Variants in KAT6A observed in about 807,000 individuals in gnomAD.
KAT6A encodes histone acetyltransferase KAT6A.
A neutral mutation model predicts 198.4 loss-of-function variants in KAT6A; 9 were observed. The ratio of observed to expected loss-of-function variants is 0.05; its 90% confidence interval spans 0.03 to 0.08. The LOEUF is 0.08. Among genes scored for constraint, KAT6A ranks in the 10% least tolerant of loss-of-function variants. KAT6A has a pLI of 1.00. For missense variants in KAT6A, 2,077 were observed against 2,509.9 expected (o/e 0.83, Z 3.69); for synonymous variants, 890 against 883.0 (o/e 1.01, Z -0.14).
chr8:41,981,094 T>G (rs1030315472), intron 4 of KAT6A, among the ~76,000 whole-genome samples, 167 bp from the exon 5 acceptor site: 1 of 151,590 alleles, frequency 6.6e-6, no homozygotes, highest in East Asian at 1.9e-4. Flanking sequence ...TCGAGGCGGG[T>G]GGATCATGAG....
At chr8:42,015,907 T>C (rs929411177) in intron 2 of KAT6A, among the ~76,000 whole-genome samples, 3 of 152,196 alleles carry the variant, frequency 2.0e-5, no homozygotes, top group African/African-American at 7.2e-5. Context: ...GACATAGACT[T>C]TTCCAATTGA....
At chr8:41,979,094 CCT>C (rs1247354854) in intron 5 of KAT6A, among the ~76,000 whole-genome samples, 11 of 145,204 alleles carry the variant, frequency 7.6e-5, no homozygotes, top group African/African-American at 2.8e-4. Context: ...ATGGTGAAAC[CCT>C]GTCTCTACTA....
chr8:42,019,250 T>G (rs1005182952), intron 2 of KAT6A, among the ~76,000 whole-genome samples: 11 of 152,208 alleles, frequency 7.2e-5, no homozygotes, highest in Non-Finnish European at 7.3e-5. Flanking sequence ...TTTGAAAGTG[T>G]TCCTCTTTAT....
chr8:41,946,792 T>G lies in KAT6A; in HGVS notation c.1903-108A>C, dbSNP rs1247732996. 4 of 678,868 alleles carry G rather than the reference T, an allele frequency of 5.9e-6. No individual in the cohort carries two copies. The African/African-American group carries it at 7.3e-5, about 12-fold the overall frequency. The allele number at this position is 678,868 out of a possible 1,614,324, so 42.1% of individuals were successfully genotyped here. The stretch of plus-strand genomic sequence containing the variant: ...GCCAAAACCCACAGCCCTGGTCCTT[T>G]GGGAATAGCAACGTACATCAACAAA... On this transcript the variant is annotated intron_variant, in intron 11 of 16. Coordinates refer to ENST00000265713, the MANE Select transcript of KAT6A (RefSeq NM_006766.5).
chr8:42,000,305 C>T (rs997677214), intron 2 of KAT6A, among the ~76,000 whole-genome samples: 13 of 152,120 alleles, frequency 8.5e-5, no homozygotes, highest in Admixed American at 7.2e-4. Flanking sequence ...AATCCCAGCA[C>T]TTTGGGAGGC....
Position 41,941,344 on chromosome 8 carries a change from A to C in KAT6A, c.2537T>G (p.Leu846Trp), listed in dbSNP as rs1286262928. 1 of 1,613,088 alleles carries C rather than the reference A, an allele frequency of 6.2e-7. No homozygotes were observed. ...ATCATGAGGAAGGACTTGTTTGCTC[A>C]AACGTGTAGAACTGACTGGAGCCAT... The part of the protein sequence containing the change: ...EVMAPVSSTR[L>W]SKQVLPHDSL... The change falls in exon 15 of 17, where the codon TTG becomes TGG. Residue 846 changes from leucine (L) to tryptophan (W), a missense_variant. By Grantham distance (61) the Leu-to-Trp change is moderately conservative. Transcript: ENST00000265713.
chr8:42,049,589 G>A (rs537509721), intron 1 of KAT6A: 3 of 153,348 alleles, frequency 2.0e-5, no homozygotes, highest in African/African-American at 4.8e-5. Context: ...AGTGGGTGAT[G>A]GCTATTCTGT....
intron 8 of KAT6A, among the ~76,000 whole-genome samples, chr8:41,965,210 T>A (rs995320902): frequency 6.6e-5 from 10 of 152,230 alleles, no homozygotes; most frequent in African/African-American, 2.4e-4. Flanking sequence ...TGACCTTAGT[T>A]CTGATATGCA....
chr8:42,010,335 C>T (rs368585138), intron 2 of KAT6A, among the ~76,000 whole-genome samples: 13 of 152,102 alleles, frequency 8.5e-5, no homozygotes, highest in African/African-American at 2.9e-4. Context: ...GACTGCAGAT[C>T]AGACACTCTA....
chr8:41,949,019 C>A (rs1822538224), intron 10 of KAT6A, among the ~76,000 whole-genome samples: 1 of 152,104 alleles, frequency 6.6e-6, no homozygotes, highest in African/African-American at 2.4e-5. Flanking sequence ...TTCATAGATT[C>A]TAAGATGTAC....
At chr8:41,958,941 C>T (rs1007894617) in intron 8 of KAT6A, among the ~76,000 whole-genome samples, 6 of 151,824 alleles carry the variant, frequency 4.0e-5, no homozygotes, top group Non-Finnish European at 5.9e-5. Context: ...GGGCGGATCA[C>T]GAGGTCAGGA....
intron 2 of KAT6A, among the ~76,000 whole-genome samples, chr8:42,000,771 C>T (rs1249927796): frequency 6.6e-6 from 1 of 152,066 alleles, no homozygotes; most frequent in African/African-American, 2.4e-5. Flanking sequence ...CAAGGTTCTG[C>T]TATCAGAATC....
intron 3 of KAT6A, among the ~76,000 whole-genome samples, chr8:41,986,340 C>T (rs530409103): frequency 3.9e-5 from 6 of 152,258 alleles, no homozygotes; most frequent in South Asian, 4.1e-4. Flanking sequence ...TCACATTGCT[C>T]GCTAGACTGC....
At position 41,932,819 on chromosome 8, in the gene KAT6A, C is replaced by A; in HGVS notation, c.5401G>T (p.Ala1801Ser). The A allele has an allele frequency of 6.2e-7, 1 of 1,614,054 alleles. No homozygotes were observed. Among genetic ancestry groups the A allele is most frequent in the Non-Finnish European group, 8.5e-7 (1 of 1,179,964 alleles). The change falls in exon 17 of 17, where the codon GCT becomes TCT. Residue 1801 changes from alanine (A) to serine (S), a missense_variant. Around this residue, in one of 13 missense-constraint regions of KAT6A, gnomAD observed 500 missense variants for 577.2 expected, o/e 0.87. Transcript: ENST00000265713. The stretch of plus-strand genomic sequence containing the variant: ...GTGGCTTGTGCTTGAGGAGTCCCAG[C>A]TAAGGGATGAGATGGAGCCAGCTGA... ...LAQLAPSHPL[A>S]GTPQAQATMT...
chr8:42,010,571 C>T (rs1490338528), intron 2 of KAT6A, among the ~76,000 whole-genome samples: 2 of 152,160 alleles, frequency 1.3e-5, no homozygotes, highest in African/African-American at 4.8e-5. Context: ...TTCACGATTC[C>T]AAACCCTCAG....
intron 2 of KAT6A, among the ~76,000 whole-genome samples, chr8:42,005,872 A>G (rs1313593288): frequency 6.6e-6 from 1 of 152,140 alleles, no homozygotes; most frequent in Non-Finnish European, 1.5e-5. Context: ...TTTGAAAAAA[A>G]GCCCATAATT....
chr8:41,982,462 C>T (rs1824408801), intron 3 of KAT6A, among the ~76,000 whole-genome samples: 2 of 152,088 alleles, frequency 1.3e-5, no homozygotes. Flanking sequence ...TTAAAAAATA[C>T]AGTTAGTCCC....
intron 2 of KAT6A, among the ~76,000 whole-genome samples, chr8:42,047,466 T>C (rs569952739): frequency 6.6e-6 from 1 of 152,132 alleles, no homozygotes; most frequent in East Asian, 1.9e-4. Flanking sequence ...CAGGCTGGAG[T>C]GCAGTGGTGA....
chr8:41,942,188 C>G (rs1361244778), intron 14 of KAT6A: 1 of 212,166 alleles, frequency 4.7e-6, no homozygotes, highest in Non-Finnish European at 9.5e-6. Flanking sequence ...ACCAGCAACC[C>G]TTTAACGGCT....
Sources: allele counts gnomAD v4.1 joint callset (sites outside exome capture counted in the v4.1 genomes callset), GRCh38; gene constraint gnomAD v4.1.1; regional missense constraint gnomAD v4.1.1; transcripts MANE v1.5; gene names NCBI Gene and HGNC (gene_info 2026-07-23, HGNC 2026-07-21).